The following DENND5B variants were observed in gnomAD, a reference collection of about 807,000 sequenced individuals.
DENND5B encodes the protein DENN domain-containing protein 5B.
In DENND5B, 34 loss-of-function variants were observed where a neutral mutation model predicts 140.6. That is an observed-to-expected ratio of 0.24 (90% CI 0.18 to 0.32). The LOEUF is 0.32. DENND5B is among the 10% of genes least tolerant of loss of function. The probability of loss-of-function intolerance (pLI) is 1.00; values close to 1 mark genes in which losing one functional copy is unlikely to be tolerated. For synonymous variants in DENND5B, 551 were observed against 562.1 expected (o/e 0.98, Z 0.28); for missense variants, 1,142 against 1,560.2 (o/e 0.73, Z 4.52).
chr12:31,452,575 G>T, intron 4 of DENND5B, 99 bp from the exon 5 acceptor site: 1 of 1,314,420 alleles, frequency 7.6e-7, no homozygotes. Context: ...CATAATCCCA[G>T]CACTTTGGGA....
chr12:31,525,959 C>T (rs1250933546), intron 1 of DENND5B, among the ~76,000 whole-genome samples: 1 of 152,180 alleles, frequency 6.6e-6, no homozygotes, highest in Admixed American at 6.5e-5. Context: ...CACCATTGCA[C>T]TCCAATCTGA....
intron 14 of DENND5B, among the ~76,000 whole-genome samples, chr12:31,408,276 G>A (rs965052321): frequency 2.4e-4 from 36 of 152,026 alleles, no homozygotes; most frequent in Middle Eastern, 3.4e-3. Context: ...TCCAGCCTAG[G>A]TGACAGAGCC....
At chr12:31,586,433 ATATGAG>A (rs1161832384) in intron 1 of DENND5B, among the ~76,000 whole-genome samples, 13 of 152,386 alleles carry the variant, frequency 8.5e-5, no homozygotes, top group African/African-American at 2.6e-4. Flanking sequence ...ACGACAGGTA[ATATGAG>A]TATATCAGTA....
chr12:31,462,508 CTG>C (rs1223219626), intron 3 of DENND5B, among the ~76,000 whole-genome samples: 1 of 152,116 alleles, frequency 6.6e-6, no homozygotes, highest in African/African-American at 2.4e-5. Context: ...TCTCTCCTCT[CTG>C]TGGGTTTCCT....
At chr12:31,564,817 A>G (rs1383559124) in intron 1 of DENND5B, among the ~76,000 whole-genome samples, 1 of 151,624 alleles carries the variant, frequency 6.6e-6, no homozygotes, top group East Asian at 1.9e-4. Context: ...TCACACTCCT[A>G]GCCTCAAGTG....
At chr12:31,551,499 T>C (rs548337508) in intron 1 of DENND5B, among the ~76,000 whole-genome samples, 23 of 152,360 alleles carry the variant, frequency 1.5e-4, no homozygotes, top group African/African-American at 5.3e-4. Flanking sequence ...GGTAGCGTGA[T>C]GCCTCCAGCT....
intron 1 of DENND5B, among the ~76,000 whole-genome samples, chr12:31,502,096 C>A (rs1947029516): frequency 6.6e-6 from 1 of 152,114 alleles, no homozygotes; most frequent in African/African-American, 2.4e-5. Flanking sequence ...GTGGGCGGAT[C>A]ACGAGGTCAG....
intron 1 of DENND5B, among the ~76,000 whole-genome samples, chr12:31,574,263 T>TAAAAAAAAA (rs1419001301): frequency 6.5e-4 from 31 of 48,000 alleles, no homozygotes; most frequent in African/African-American, 2.8e-3. Flanking sequence ...ACCCTGTCTC[T>TAAAAAAAAA]AAAAAATAAT....
At position 31,420,125 on chromosome 12, in the gene DENND5B, T is replaced by TTTA. The variant is rs755040596; in HGVS notation, c.2470+3469_2470+3471dup. The TTTA allele has an allele frequency of 5.5e-6, 5 of 915,582 alleles. No individual in the cohort carries two copies. The South Asian group carries it at 2.0e-4, about 37-fold the overall frequency. The allele number at this position is 915,582 out of a possible 1,614,324, so 56.7% of individuals were successfully genotyped here. A position where few individuals can be genotyped will look rare whatever the true frequency, so the allele number is the denominator to read the frequency against. ...TTTAAGAACTGGCTCAACGTTTTTA[T>TTTA]TTATTATTATTATTTTTTGGAGACA... On this transcript the variant is annotated intron_variant, in intron 11 of 20. Transcript: ENST00000389082.
Position 31,424,702 on chromosome 12 carries a change from T to A in DENND5B, c.2239-15A>T, listed in dbSNP as rs774028916. 1 of 1,613,322 alleles carries A rather than the reference T, an allele frequency of 6.2e-7. No homozygotes were observed. Among genetic ancestry groups the A allele is most frequent in the Non-Finnish European group, 8.5e-7 (1 of 1,179,646 alleles). On this transcript the variant is annotated splice_polypyrimidine_tract_variant and intron_variant, in intron 9 of 20. Coordinates refer to ENST00000389082, the MANE Select transcript of DENND5B (RefSeq NM_144973.4). ...ATGCGCTTTGTCTAAGAATATCACG[T>A]GTAGTCATAAGGCACCCCAGCAGTG... is the stretch of plus-strand genomic sequence containing the variant.
At chr12:31,526,530 TAAATAAATA>T (rs1393611130) in intron 1 of DENND5B, among the ~76,000 whole-genome samples, 3 of 152,156 alleles carry the variant, frequency 2.0e-5, no homozygotes, top group African/African-American at 7.2e-5. Context: ...TGCTGAGGCA[TAAATAAATA>T]AAAGAAATAT....
chr12:31,577,710 CAAAAAAAAAAAAAAAA>C (rs35015214), intron 1 of DENND5B, among the ~76,000 whole-genome samples: 1 of 70,506 alleles, frequency 1.4e-5, no homozygotes, highest in Non-Finnish European at 2.6e-5. Context: ...GACTCTGTCT[CAAAAAAAAAAAAAAAA>C]AAAAAAAAAA....
rs146477929 is a variant in DENND5B at position 31,571,029 on chromosome 12, C to T, written c.127+19677G>A. Among the ~76,000 whole-genome samples the T allele has an allele frequency of 1.3e-3, 203 of 152,218 alleles. 4 individuals are homozygous for T. Among genetic ancestry groups the T allele is most frequent in the African/African-American group, 4.8e-3 (198 of 41,468 alleles). On this transcript the variant is annotated intron_variant, in intron 1 of 20. Coordinates refer to ENST00000389082, the MANE Select transcript of DENND5B (RefSeq NM_144973.4). ...AAAGGGAAACTGCAAGCATTCTCCGCATTCTCGGCTGCAAGTGCCAGCACT... is the reference window on the plus strand; with the variant it reads ...AAAGGGAAACTGCAAGCATTCTCCGTATTCTCGGCTGCAAGTGCCAGCACT...
chr12:31,397,278 G>A (rs1941525578), intron 17 of DENND5B, among the ~76,000 whole-genome samples: 3 of 152,052 alleles, frequency 2.0e-5, no homozygotes, highest in Admixed American at 2.0e-4. Context: ...GGCGGGCGTG[G>A]TGGCTCATGC....
chr12:31,547,278 T>C (rs772169498), intron 1 of DENND5B, among the ~76,000 whole-genome samples: 5 of 152,360 alleles, frequency 3.3e-5, no homozygotes, highest in Middle Eastern at 3.4e-3. Flanking sequence ...TAATTATCAA[T>C]AGTTTACTAT....
chr12:31,405,429 G>C (rs139991702), intron 14 of DENND5B, among the ~76,000 whole-genome samples: 3 of 151,572 alleles, frequency 2.0e-5, no homozygotes, highest in African/African-American at 4.9e-5. Flanking sequence ...TGTTGCCCAG[G>C]CTGGTCTCAA....
chr12:31,520,829 T>C (rs1947847541), intron 1 of DENND5B, among the ~76,000 whole-genome samples: 2 of 137,190 alleles, frequency 1.5e-5, no homozygotes, highest in Non-Finnish European at 3.0e-5. Context: ...GGTAGCTACA[T>C]TTTAAAAATA....
chr12:31,552,681 T>A (rs917682234), intron 1 of DENND5B, among the ~76,000 whole-genome samples: 2 of 152,216 alleles, frequency 1.3e-5, no homozygotes, highest in African/African-American at 4.8e-5. Flanking sequence ...AATTTGGCTG[T>A]GAATCCATCT....
At chr12:31,502,967 G>A (rs1947068882) in intron 1 of DENND5B, among the ~76,000 whole-genome samples, 1 of 152,154 alleles carries the variant, frequency 6.6e-6, no homozygotes, top group Non-Finnish European at 1.5e-5. Flanking sequence ...CCATGGTCAT[G>A]GATAGATAGC....
Sources: gnomAD v4.1 joint callset for allele counts (sites outside exome capture counted in the v4.1 genomes callset) on GRCh38, gnomAD v4.1.1 for gene constraint, MANE v1.5 for transcripts, NCBI Gene and HGNC (gene_info 2026-07-23, HGNC 2026-07-21) for gene names.